DHX38: variants seen among roughly 807,000 people sequenced by gnomAD.
DHX38 encodes the protein pre-mRNA-splicing factor ATP-dependent RNA helicase PRP16.
Under a neutral mutation model 153.1 loss-of-function variants are expected in DHX38, and 100 were observed. The ratio of observed to expected loss-of-function variants is 0.65; its 90% CI spans 0.56 to 0.77. The LOEUF (loss-of-function observed/expected upper bound fraction) is 0.77. Ranked by LOEUF, DHX38 falls within the 30% of genes least tolerant of loss-of-function variation. The pLI, the probability that DHX38 is intolerant of heterozygous loss-of-function variation, is 0.00. For synonymous variants in DHX38, 650 were observed against 631.7 expected, an observed-to-expected ratio of 1.03 and a Z score of -0.43; for missense variants, 1,440 against 1,654.0, an observed-to-expected ratio of 0.87 and a Z score of 2.24.
chr16:72,099,152 CCGCTGGGGA>C, intron 6 of DHX38, 43 bp from the exon 7 acceptor site: 5 of 1,593,772 alleles, frequency 3.1e-6, no homozygotes, highest in Non-Finnish European at 4.3e-6. Context: ...CTGTCTGGGG[CCGCTGGGGA>C]CAGGCCAGGG....
intron 26 of DHX38, 51 bp from the exon 27 acceptor site, chr16:72,112,361 TG>T: frequency 1.3e-6 from 2 of 1,561,332 alleles, no homozygotes; most frequent in African/African-American, 2.7e-5. Flanking sequence ...CCTGCCCTCC[TG>T]GCTGTGGGTG....
Position 72,107,544 on chromosome 16 carries a change from C to A in DHX38, c.2805C>A (p.Asn935Lys), listed in dbSNP as rs754495430. The change falls in exon 20 of 27, where the codon AAC (asparagine) becomes AAA (lysine). Residue 935 changes from asparagine (N) to lysine (K), a missense_variant. Asn to Lys is a moderately conservative substitution (Grantham distance 94). Around this residue, in one of 6 missense-constraint regions of DHX38, gnomAD observed 543 missense variants for 717.9 expected, o/e 0.76. Coordinates refer to ENST00000268482, the MANE Select transcript of DHX38 (RefSeq NM_014003.4). The surrounding 1 kb of genome is among the most constrained non-coding windows in gnomAD (Gnocchi z 5.3). ...YQLWILGALD[N>K]TGGLTSTGRL... The stretch of plus-strand genomic sequence containing the variant: ...TCTGGATCCTCGGGGCCCTGGACAA[C>A]ACAGGTGAGGCGGCCCCGGGAGCCT... 1 of 1,612,066 alleles carries A rather than the reference C, an allele frequency of 6.2e-7. No homozygotes were observed. The highest frequency in any genetic ancestry group is 1.1e-5 in the South Asian group (1 of 91,028).
intron 8 of DHX38, 148 bp from the exon 9 acceptor site, chr16:72,100,288 G>A (rs2042082379): frequency 2.7e-6 from 3 of 1,098,058 alleles, no homozygotes; most frequent in Non-Finnish European, 3.9e-6. Flanking sequence ...CACCTCTTCT[G>A]TCTTTGGAGC....
intron 26 of DHX38, among the ~76,000 whole-genome samples, chr16:72,111,575 C>T (rs560288396): frequency 1.7e-4 from 26 of 152,280 alleles, no homozygotes; most frequent in Admixed American, 2.6e-4. Flanking sequence ...CGGAGAGTGC[C>T]GTACTTACCA....
intron 26 of DHX38, among the ~76,000 whole-genome samples, chr16:72,111,331 C>A (rs2042253237): frequency 6.6e-6 from 1 of 152,218 alleles, no homozygotes; most frequent in Admixed American, 6.5e-5. Context: ...GGTTTCACAG[C>A]TTTACTCATG....
At position 72,103,062 on chromosome 16, in the gene DHX38, G is replaced by C; in HGVS notation, c.1500-12G>C. The C allele has an allele frequency of 6.2e-7, 1 of 1,613,962 alleles. No homozygotes were observed. Among genetic ancestry groups the C allele is most frequent in the Non-Finnish European group, 8.5e-7 (1 of 1,179,896 alleles). ...CACCATGCAGGGTGTTTAGGCTGCT[G>C]TGTGTTCCTAGGACAGAGCAGAAGT... On this transcript the variant is annotated splice_polypyrimidine_tract_variant and intron_variant, in intron 11 of 26. Coordinates refer to ENST00000268482, the MANE Select transcript of DHX38 (RefSeq NM_014003.4).
chr16:72,105,513 C>G lies in DHX38; in HGVS notation c.2380-4C>G, dbSNP rs143402783. 4 of 1,614,150 alleles carry G rather than the reference C, an allele frequency of 2.5e-6. No individual in the cohort carries two copies. The Admixed American group carries it at 6.7e-5, about 27-fold the overall frequency. On this transcript the variant is annotated splice_region_variant and splice_polypyrimidine_tract_variant and intron_variant, in intron 17 of 26. Coordinates refer to ENST00000268482, the MANE Select transcript of DHX38 (RefSeq NM_014003.4). ...TTTTTCCCTTCCTGTATGTCCTGCT[C>G]TAGGCTCCAGATGGCGTTCGGAAGT...
At chr16:72,110,904 CCT>C in intron 25 of DHX38, 50 bp from the exon 26 acceptor site, 2 of 1,524,876 alleles carry the variant, frequency 1.3e-6, no homozygotes, top group Non-Finnish European at 8.8e-7. Flanking sequence ...GACGAGGCCT[CCT>C]TCCTTAGTGG....
At position 72,107,356 on chromosome 16, in the gene DHX38, G is replaced by A. The variant is rs751768845; in HGVS notation, c.2617G>A (p.Ala873Thr). Residue 873 changes from alanine (A) to threonine (T), a missense_variant, in exon 20 of 27, where the codon GCC (alanine) becomes ACC (threonine). Ala to Thr is a moderately conservative substitution (Grantham distance 58). This residue lies in a region of DHX38 where 543 missense variants were observed against 717.9 expected (regional missense o/e 0.76). Coordinates refer to ENST00000268482, the MANE Select transcript of DHX38 (RefSeq NM_014003.4). The surrounding 1 kb of genome is among the most constrained non-coding windows in gnomAD (Gnocchi z 5.3). ...GQCFRLYTQS[A>T]YKNELLTTTV... ...CCCCGGCAGGCTCTACACCCAGAGC[G>A]CCTACAAGAATGAGCTCCTGACCAC... is the stretch of plus-strand genomic sequence containing the variant. The A allele has an allele frequency of 3.1e-6, 5 of 1,610,502 alleles. No homozygotes were observed. Among genetic ancestry groups the A allele is most frequent in the Non-Finnish European group, 4.2e-6 (5 of 1,179,890 alleles).
At position 72,104,758 on chromosome 16, in the gene DHX38, G is replaced by A; in HGVS notation, c.2151+132G>A. 3.0e-6 allele frequency: 4 copies of A among 1,314,258 alleles called. No individual in the cohort carries two copies. Among genetic ancestry groups the A allele is most frequent in the Non-Finnish European group, 3.2e-6 (3 of 941,194 alleles). 81.4% of individuals were successfully genotyped at this position (1,314,258 alleles called of 1,614,324 possible). A position where few individuals can be genotyped will look rare whatever the true frequency, so the allele number is the denominator to read the frequency against. On this transcript the variant is annotated intron_variant, in intron 15 of 26. Transcript: ENST00000268482. This position sits in a 1 kb window ranked among gnomAD's most constrained non-coding sequence, Gnocchi z 4.5. ...TTTCCTGGGGACCATGGGGCAAATGGGGCAGCCTGCAGCTCTGGGACTCGG... is the reference window on the plus strand; with the variant it reads ...TTTCCTGGGGACCATGGGGCAAATGAGGCAGCCTGCAGCTCTGGGACTCGG...
At chr16:72,100,304 G>A (rs1306095601) in intron 8 of DHX38, 132 bp from the exon 9 acceptor site, 3 of 1,234,498 alleles carry the variant, frequency 2.4e-6, no homozygotes, top group African/African-American at 1.5e-5. Context: ...GGAGCTGTGG[G>A]TAGAGGCCTG....
At chr16:72,111,701 T>C (rs1242478195) in intron 26 of DHX38, among the ~76,000 whole-genome samples, 1 of 152,146 alleles carries the variant, frequency 6.6e-6, no homozygotes, top group African/African-American at 2.4e-5. Flanking sequence ...CAGGACCACG[T>C]CCCCCCGTGG....
At chr16:72,101,844 G>A (rs951564190) in intron 11 of DHX38, among the ~76,000 whole-genome samples, 1 of 152,128 alleles carries the variant, frequency 6.6e-6, no homozygotes, top group African/African-American at 2.4e-5. Flanking sequence ...CTGGTGTTGT[G>A]AGAGGAAGGA....
rs1003106387 is a variant in DHX38, at chr16:72,104,409, G to C, written c.2011-77G>C. On this transcript the variant is annotated intron_variant, in intron 14 of 26. Coordinates refer to ENST00000268482, the MANE Select transcript of DHX38 (RefSeq NM_014003.4). The surrounding 1 kb of genome is among the most constrained non-coding windows in gnomAD (Gnocchi z 4.5). ...TCAGCTTTGGCTTGTGTTTCCTCGG[G>C]GGTGGTGCTGATGGGACTGGGGGAC... 6.3e-7 allele frequency: 1 copy of C among 1,580,190 alleles called. No individual in the cohort carries two copies. The highest frequency in any genetic ancestry group is 1.3e-5 in the African/African-American group (1 of 74,186).
chr16:72,104,557 C>CTTTTTTTTT lies in DHX38; in HGVS notation c.2088_2089insTTTTTTTTT (p.Phe696_Gly697insPhePhePhe). 6.2e-7 allele frequency: 1 copy of CTTTTTTTTT among 1,614,110 alleles called. No homozygotes were observed. Among genetic ancestry groups the CTTTTTTTTT allele is most frequent in the Non-Finnish European group, 8.5e-7 (1 of 1,180,008 alleles). On this transcript the variant is annotated inframe_insertion, in exon 15 of 27. Transcript: ENST00000268482. This position sits in a 1 kb window ranked among gnomAD's most constrained non-coding sequence, Gnocchi z 4.5. ...CGATGGATGCGGAGAAGTTTGCTGC[C>CTTTTTTTTT]TTTTTTGGGAATGTCCCCATCTTCC...
chr16:72,107,902 C>CA lies in DHX38; in HGVS notation c.2964+104dup. ...ACTGAAATGGAACAGAGGGCAGAAT[C>CA]AGAGTTTCTGAAGAATGATTTTGCT... is the stretch of plus-strand genomic sequence containing the variant. On this transcript the variant is annotated intron_variant, in intron 21 of 26. Coordinates refer to ENST00000268482, the MANE Select transcript of DHX38 (RefSeq NM_014003.4). The surrounding 1 kb of genome is among the most constrained non-coding windows in gnomAD (Gnocchi z 5.3). The CA allele has an allele frequency of 2.1e-6, 3 of 1,446,860 alleles. No individual in the cohort carries two copies. In the South Asian group the frequency reaches 3.9e-5, roughly 19 times the overall value. The allele number at this position is 1,446,860 out of a possible 1,614,324, so 89.6% of individuals were successfully genotyped here.
Position 72,108,960 on chromosome 16 carries a change from C to T in DHX38, c.3381+35C>T, listed in dbSNP as rs1457348644. 4 of 1,556,464 alleles carry T rather than the reference C, an allele frequency of 2.6e-6. No individual in the cohort carries two copies. In the South Asian group the frequency reaches 3.7e-5, roughly 14 times the overall value. On this transcript the variant is annotated intron_variant, in intron 24 of 26. Coordinates refer to ENST00000268482, the MANE Select transcript of DHX38 (RefSeq NM_014003.4). ...TTCCAAGGCACTTGCATAATGCAGG[C>T]CCCCTGTCTGGCCAGGCTTTGAAAC...
chr16:72,101,190 G>T lies in DHX38; in HGVS notation c.1383G>T (p.Lys461Asn). ...AGCACAGGGAGCAGAAGGAGCGCAA[G>T]AAGGTTGGTTTCTTGGTTTCGTGGC... is the stretch of plus-strand genomic sequence containing the variant. ...VRKHREQKER[K>N]KAQHKHWELA... The change falls in exon 10 of 27, where the codon AAG becomes AAT. Residue 461 changes from lysine to asparagine, a missense_variant. Lys to Asn is a moderately conservative substitution (Grantham distance 94). Transcript: ENST00000268482. 6.2e-7 allele frequency: 1 copy of T among 1,614,218 alleles called. No homozygotes were observed. The highest frequency in any genetic ancestry group is 8.5e-7 in the Non-Finnish European group (1 of 1,180,028).
chr16:72,107,703 C>T lies in DHX38; in HGVS notation c.2868C>T (p.Ser956=), dbSNP rs573631108. The T allele has an allele frequency of 1.9e-6, 3 of 1,614,152 alleles. No individual in the cohort carries two copies. The African/African-American group carries it at 4.0e-5, about 22-fold the overall frequency. ...AGTTCCCGCTGGACCCTGCCCTGTC[C>T]AAGATGCTCATCGTGTCCTGTGACA... is the stretch of plus-strand genomic sequence containing the variant. The part of the protein sequence containing the change: ...MVEFPLDPAL[S]KMLIVSCDMG... Residue 956 remains serine, a synonymous_variant, in exon 21 of 27, where the codon TCC becomes TCT. Coordinates refer to ENST00000268482, the MANE Select transcript of DHX38 (RefSeq NM_014003.4). This position sits in a 1 kb window ranked among gnomAD's most constrained non-coding sequence, Gnocchi z 5.3.
Sources: gnomAD v4.1 joint callset for allele counts (sites outside exome capture counted in the v4.1 genomes callset) on GRCh38, gnomAD v4.1.1 for gene constraint, gnomAD v4.1.1 regional missense constraint, Gnocchi (gnomAD v3.1) non-coding constraint, MANE v1.5 for transcripts, NCBI Gene and HGNC (gene_info 2026-07-23, HGNC 2026-07-21) for gene names.